Variants in SCN11A observed in about 807,000 individuals in gnomAD.
SCN11A encodes sodium channel protein type 11 subunit alpha.
A neutral mutation model predicts 162.2 loss-of-function variants in SCN11A; 122 were observed. That is an observed-to-expected ratio of 0.75 (90% CI 0.65 to 0.87). The LOEUF (loss-of-function observed/expected upper bound fraction) is 0.87. Among genes scored for constraint, SCN11A ranks in the 40% least tolerant of loss-of-function variants. SCN11A has a pLI of 0.00. For missense variants in SCN11A, 2,015 were observed against 2,181.6 expected (o/e 0.92, Z 1.52); for synonymous variants, 758 against 751.5 (o/e 1.01, Z -0.14).
intron 2 of SCN11A, among the ~76,000 whole-genome samples, chr3:38,982,792 G>A (rs1419302860): frequency 1.3e-5 from 2 of 152,162 alleles, no homozygotes; most frequent in Non-Finnish European, 2.9e-5. Context: ...TGGACCCAGG[G>A]TCAGGATCCT....
rs919026478 is a variant in SCN11A at position 39,048,717 on chromosome 3, T to A, written c.-404+3144A>T. Among the ~76,000 whole-genome samples the A allele has an allele frequency of 2.6e-5, 4 of 152,226 alleles. No homozygotes were observed. The East Asian group carries it at 7.7e-4, about 29-fold the overall frequency. On this transcript the variant is annotated intron_variant, in intron 1 of 29. Coordinates refer to ENST00000302328, the MANE Select transcript of SCN11A (RefSeq NM_001349253.2). ...CCTTAGTAACTAAGTTCTAATGAAT[T>A]GACTATGGCTTAAAGTGACACTGCA...
chr3:38,917,120 C>T (rs972247590), intron 11 of SCN11A, among the ~76,000 whole-genome samples: 2 of 152,148 alleles, frequency 1.3e-5, no homozygotes, highest in Non-Finnish European at 2.9e-5. Flanking sequence ...AATGAGATAC[C>T]ATCTCACACC....
intron 28 of SCN11A, among the ~76,000 whole-genome samples, chr3:38,851,718 T>C (rs1463793192): frequency 1.3e-5 from 2 of 152,216 alleles, no homozygotes; most frequent in Non-Finnish European, 2.9e-5. Flanking sequence ...GCATACACTA[T>C]TATCTTTAGA....
chr3:38,944,073 T>C (rs939450793), intron 7 of SCN11A, among the ~76,000 whole-genome samples: 3 of 152,224 alleles, frequency 2.0e-5, no homozygotes, highest in Non-Finnish European at 4.4e-5. Context: ...AAATATCACA[T>C]GTACCCTGAA....
intron 7 of SCN11A, among the ~76,000 whole-genome samples, chr3:38,937,404 G>C (rs2066353480): frequency 6.7e-6 from 1 of 149,706 alleles, no homozygotes; most frequent in South Asian, 2.1e-4. Flanking sequence ...CTTCTGCACA[G>C]CAAAAGAAAC....
intron 2 of SCN11A, among the ~76,000 whole-genome samples, chr3:38,965,834 C>G (rs1383873966): frequency 2.0e-5 from 3 of 151,978 alleles, no homozygotes; most frequent in African/African-American, 7.2e-5. Flanking sequence ...GAAGCCGAGG[C>G]CTGGGTATGG....
At chr3:39,020,231 G>A (rs1208768704) in intron 2 of SCN11A, among the ~76,000 whole-genome samples, 3 of 152,134 alleles carry the variant, frequency 2.0e-5, no homozygotes, top group African/African-American at 7.2e-5. Flanking sequence ...TTCTATTTGG[G>A]AAAATTTATA....
At chr3:39,034,155 C>T (rs9681759) in intron 1 of SCN11A, among the ~76,000 whole-genome samples, 4,382 of 152,040 alleles carry the variant, frequency 0.029, 212 homozygotes, top group African/African-American at 0.1. Context: ...GAGTGAGACT[C>T]CATCTCAAAA....
intron 28 of SCN11A, among the ~76,000 whole-genome samples, chr3:38,859,448 C>T (rs1202659343): frequency 6.6e-6 from 1 of 151,838 alleles, no homozygotes; most frequent in African/African-American, 2.4e-5. Context: ...AAATATACAA[C>T]CATCCTAGAT....
intron 27 of SCN11A, among the ~76,000 whole-genome samples, chr3:38,864,115 C>T (rs2065006722): frequency 6.6e-6 from 1 of 151,994 alleles, no homozygotes; most frequent in South Asian, 2.1e-4. Context: ...TGGGACTATC[C>T]AAAGGTGGCC....
chr3:39,009,689 T>A (rs2031073722), intron 2 of SCN11A, among the ~76,000 whole-genome samples: 1 of 149,382 alleles, frequency 6.7e-6, no homozygotes, highest in Non-Finnish European at 1.5e-5. Flanking sequence ...TTTATTTTCA[T>A]TTTTTGAGAC....
At chr3:39,037,953 T>C (rs980959307) in intron 1 of SCN11A, among the ~76,000 whole-genome samples, 3 of 152,136 alleles carry the variant, frequency 2.0e-5, no homozygotes, top group Non-Finnish European at 4.4e-5. Flanking sequence ...ATAAAGAAAA[T>C]GCTAAAAAGA....
At chr3:38,886,474 A>G (rs556055220) in intron 19 of SCN11A, among the ~76,000 whole-genome samples, 2 of 152,338 alleles carry the variant, frequency 1.3e-5, no homozygotes, top group Admixed American at 6.5e-5. Context: ...TCAAAACAGT[A>G]TGGTTCTGGT....
chr3:38,886,884 G>C (rs2065409373), intron 19 of SCN11A, among the ~76,000 whole-genome samples: 1 of 152,060 alleles, frequency 6.6e-6, no homozygotes, highest in Non-Finnish European at 1.5e-5. Context: ...CAAGCAGCTT[G>C]GCAGCTGAGC....
At chr3:38,850,260 C>G in intron 29 of SCN11A, 1 of 527,098 alleles carries the variant, frequency 1.9e-6, no homozygotes, top group Non-Finnish European at 3.3e-6. Context: ...TTATTGAACT[C>G]TATTTCAGTT....
At chr3:38,866,178 A>G (rs2065037473) in intron 27 of SCN11A, among the ~76,000 whole-genome samples, 1 of 152,056 alleles carries the variant, frequency 6.6e-6, no homozygotes, top group African/African-American at 2.4e-5. Context: ...TATCCATAAT[A>G]TGCAATGTAA....
chr3:38,906,690 C>T (rs954553826), intron 14 of SCN11A, among the ~76,000 whole-genome samples: 3 of 152,154 alleles, frequency 2.0e-5, no homozygotes, highest in African/African-American at 4.8e-5. Flanking sequence ...CTTAACTGGT[C>T]GCCTCCAGTT....
chr3:38,860,040 A>G (rs1357720282), intron 28 of SCN11A, among the ~76,000 whole-genome samples: 1 of 152,096 alleles, frequency 6.6e-6, no homozygotes, highest in Non-Finnish European at 1.5e-5. Context: ...ACCCAGACCC[A>G]TAATCTGCCT....
chr3:39,039,923 T>C (rs2032001037), intron 1 of SCN11A, among the ~76,000 whole-genome samples: 2 of 152,182 alleles, frequency 1.3e-5, no homozygotes, highest in Non-Finnish European at 1.5e-5. Context: ...GATGGAGATA[T>C]AGCATGTGTA....
Sources: gnomAD v4.1 joint callset for allele counts (sites outside exome capture counted in the v4.1 genomes callset) on GRCh38, gnomAD v4.1.1 for gene constraint, MANE v1.5 for transcripts, NCBI Gene and HGNC (gene_info 2026-07-23, HGNC 2026-07-21) for gene names.